The following CDH11 variants were observed in gnomAD, a reference collection of about 807,000 sequenced individuals.
The protein encoded by CDH11 is cadherin-11.
A neutral mutation model predicts 67.8 loss-of-function variants in CDH11; 11 were observed. That is an observed-to-expected ratio of 0.16 (90% CI 0.10 to 0.27). The LOEUF is 0.27. Ranked by LOEUF, CDH11 falls within the 10% of genes least tolerant of loss-of-function variation. CDH11 has a pLI of 1.00. For missense variants in CDH11, 847 were observed against 1,031.2 expected (o/e 0.82, Z 2.45); for synonymous variants, 419 against 400.0 (o/e 1.05, Z -0.57).
intron 1 of CDH11, among the ~76,000 whole-genome samples, chr16:65,070,930 T>A (rs2142766788): frequency 6.6e-6 from 1 of 152,216 alleles, no homozygotes; most frequent in African/African-American, 2.4e-5. Flanking sequence ...AAAACCAACC[T>A]CCCACATGGC....
chr16:64,998,671 T>G lies in CDH11; in HGVS notation c.414A>C (p.Pro138=). 1.2e-6 allele frequency: 2 copies of G among 1,614,132 alleles called. No homozygotes were observed. Among genetic ancestry groups the G allele is most frequent in the Non-Finnish European group, 1.7e-6 (2 of 1,180,038 alleles). The change falls in exon 4 of 13, where the codon CCA becomes CCC. Residue 138 remains proline, a synonymous_variant. Transcript: ENST00000268603. Reference sequence around the variant, plus strand: ...CAATGAATTCCGACGGTGGCTCCAGTGGCCGATTGGTGTCCCTGTCCACCG... The same window carrying G: ...CAATGAATTCCGACGGTGGCTCCAGGGGCCGATTGGTGTCCCTGTCCACCG... ...AQAVDRDTNR[P]LEPPSEFIVK...
chr16:64,977,053 G>A (rs539759248), intron 8 of CDH11, among the ~76,000 whole-genome samples: 2 of 152,046 alleles, frequency 1.3e-5, no homozygotes, highest in African/African-American at 4.8e-5. Flanking sequence ...AAAAAAATTA[G>A]GCAGGCACAG....
chr16:65,115,558 C>T (rs1043257892), intron 1 of CDH11, among the ~76,000 whole-genome samples: 2 of 151,962 alleles, frequency 1.3e-5, no homozygotes, highest in African/African-American at 2.4e-5. Context: ...TTTATCTTTA[C>T]AAGAATCCTA....
chr16:64,963,804 AATTAAAGT>A (rs1468168190), intron 11 of CDH11, among the ~76,000 whole-genome samples: 1 of 152,198 alleles, frequency 6.6e-6, no homozygotes, highest in East Asian at 1.9e-4. Flanking sequence ...AAAGTGAAAT[AATTAAAGT>A]ATTGAGAGAA....
intron 2 of CDH11, among the ~76,000 whole-genome samples, chr16:65,048,931 C>CTGT (rs2074009908): frequency 6.6e-6 from 1 of 151,960 alleles, no homozygotes; most frequent in Non-Finnish European, 1.5e-5. Context: ...AGGCTATTAT[C>CTGT]CTAAGTGAAA....
intron 3 of CDH11, among the ~76,000 whole-genome samples, chr16:65,000,075 CAGAA>C (rs2072881324): frequency 6.6e-6 from 1 of 152,138 alleles, no homozygotes; most frequent in South Asian, 2.1e-4. Context: ...TCTTAGGTGT[CAGAA>C]AGAATCTTAA....
chr16:65,122,104 GGGA>G, upstream of CDH11: 3 of 572,540 alleles, frequency 5.2e-6, no homozygotes, highest in Non-Finnish European at 3.1e-6. Flanking sequence ...AGAAACCGGG[GGGA>G]GGTGGCGGGC....
At chr16:65,111,327 T>C (rs1203803022) in intron 1 of CDH11, among the ~76,000 whole-genome samples, 1 of 152,078 alleles carries the variant, frequency 6.6e-6, no homozygotes, top group Non-Finnish European at 1.5e-5. Context: ...GATGGGGAAA[T>C]TGAGAAGCAG....
chr16:64,945,763 G>T lies in CDH11; in HGVS notation c.*1840C>A. 9.6e-7 allele frequency: 1 copy of T among 1,042,716 alleles called. No individual in the cohort carries two copies. The highest frequency in any genetic ancestry group is 1.2e-6 in the Non-Finnish European group (1 of 864,890). The allele number at this position is 1,042,716 out of a possible 1,614,324, so 64.6% of individuals were successfully genotyped here. On this transcript the variant is annotated 3_prime_UTR_variant, in exon 13 of 13. Coordinates refer to ENST00000268603, the MANE Select transcript of CDH11 (RefSeq NM_001797.4). ...AGCACTTCATAAAAAACATTTCTTT[G>T]TATGCATGTTGACTAAATCATAAAA...
chr16:64,963,021 C>A (rs192138536), intron 11 of CDH11, among the ~76,000 whole-genome samples: 23 of 152,252 alleles, frequency 1.5e-4, no homozygotes, highest in Middle Eastern at 3.4e-3. Context: ...CTGTTACCCA[C>A]AACACCATTT....
At chr16:65,033,910 T>G (rs2073698858) in intron 2 of CDH11, among the ~76,000 whole-genome samples, 1 of 152,130 alleles carries the variant, frequency 6.6e-6, no homozygotes, top group South Asian at 2.1e-4. Flanking sequence ...TTAAGCAGTA[T>G]TCAAAGAATA....
At chr16:65,073,188 A>T (rs1475136072) in intron 1 of CDH11, among the ~76,000 whole-genome samples, 2 of 152,230 alleles carry the variant, frequency 1.3e-5, no homozygotes, top group Non-Finnish European at 2.9e-5. Context: ...AGAAAACAAG[A>T]AACCTAGACC....
At chr16:65,089,870 A>G (rs2074765974) in intron 1 of CDH11, among the ~76,000 whole-genome samples, 1 of 152,192 alleles carries the variant, frequency 6.6e-6, no homozygotes, top group South Asian at 2.1e-4. Context: ...AATGTTTAGC[A>G]TATGCCATTA....
At chr16:64,951,087 G>A in intron 11 of CDH11, 69 bp from the exon 12 acceptor site, 1 of 1,510,728 alleles carries the variant, frequency 6.6e-7, no homozygotes, top group Non-Finnish European at 9.0e-7. Context: ...CTCTCTGCTC[G>A]GCAGATTTGA....
At chr16:65,002,677 T>C (rs1418620552) in intron 3 of CDH11, among the ~76,000 whole-genome samples, 2 of 152,224 alleles carry the variant, frequency 1.3e-5, no homozygotes, top group African/African-American at 2.4e-5. Context: ...TATGTGAACA[T>C]GAAGTGCTGT....
chr16:65,037,636 AC>A (rs1458323939), intron 2 of CDH11, among the ~76,000 whole-genome samples: 20 of 152,020 alleles, frequency 1.3e-4, no homozygotes, highest in African/African-American at 4.6e-4. Context: ...TGCTAGAGTA[AC>A]CCCCATCAAA....
At chr16:65,093,924 C>T (rs772361738) in intron 1 of CDH11, among the ~76,000 whole-genome samples, 9 of 152,150 alleles carry the variant, frequency 5.9e-5, no homozygotes, top group Non-Finnish European at 8.8e-5. Context: ...TTAGAACCAA[C>T]TCTGCCTTAA....
intron 3 of CDH11, among the ~76,000 whole-genome samples, chr16:65,000,449 C>G (rs114005849): frequency 2.4e-4 from 37 of 152,234 alleles, no homozygotes; most frequent in African/African-American, 8.4e-4. Flanking sequence ...GTTCTACCTA[C>G]TAAATAAGAA....
At chr16:65,123,539 G>A (rs1211977985), upstream of CDH11, 4 of 152,194 alleles carry the variant, frequency 2.6e-5, no homozygotes, top group South Asian at 2.1e-4. Context: ...GCTAAGGCAA[G>A]AGCGGCCGAG....
Sources: gnomAD v4.1 joint callset for allele counts (sites outside exome capture counted in the v4.1 genomes callset) on GRCh38, gnomAD v4.1.1 for gene constraint, MANE v1.5 for transcripts, NCBI Gene and HGNC (gene_info 2026-07-23, HGNC 2026-07-21) for gene names.